Variants in KIZ observed in about 807,000 individuals in gnomAD.
KIZ encodes kizuna centrosomal protein.
Under a neutral mutation model 79.6 loss-of-function variants are expected in KIZ, and 68 were observed. The ratio of observed to expected loss-of-function variants is 0.85; its 90% CI spans 0.70 to 1.05. KIZ has a LOEUF of 1.05. Ranked by LOEUF, KIZ falls within the 50% of genes least tolerant of loss-of-function variation. The pLI is 0.00. For synonymous variants in KIZ, 280 were observed against 281.8 expected, an observed-to-expected ratio of 0.99 and a Z score of 0.06; for missense variants, 797 against 800.4, an observed-to-expected ratio of 1.00 and a Z score of 0.05.
intron 2 of KIZ, among the ~76,000 whole-genome samples, chr20:21,132,720 G>A (rs1057020388): frequency 9.9e-5 from 15 of 152,098 alleles, no homozygotes; most frequent in Non-Finnish European, 1.0e-4. Flanking sequence ...TTTCATATTT[G>A]TTTTATTTCA....
chr20:21,152,629 C>T (rs1479501674), intron 4 of KIZ, among the ~76,000 whole-genome samples: 1 of 152,160 alleles, frequency 6.6e-6, no homozygotes, highest in Non-Finnish European at 1.5e-5. Context: ...TGTTAAGCCT[C>T]TTAGGAAGTG....
intron 11 of KIZ, among the ~76,000 whole-genome samples, chr20:21,238,053 A>C (rs1252001038): frequency 2.6e-5 from 4 of 151,226 alleles, no homozygotes; most frequent in African/African-American, 9.7e-5. Flanking sequence ...CTGGTCTTGA[A>C]CTCCTGAGCT....
In KIZ at chr20:21,130,054, A is replaced by G. The variant is rs150190253; in HGVS notation, c.90-2043A>G. ...ACCATACAGCCCTCCTAGTGGTGAA[A>G]CCAGTCCGCAGACTGCATCAGATTT... On this transcript the variant is annotated intron_variant, in intron 1 of 12. Coordinates refer to ENST00000619189, the MANE Select transcript of KIZ (RefSeq NM_018474.6). Among the ~76,000 whole-genome samples, 480 of 152,256 alleles carry G rather than the reference A, an allele frequency of 3.2e-3. 3 individuals are homozygous for G. Among genetic ancestry groups the G allele is most frequent in the Middle Eastern group, 0.014 (4 of 294 alleles).
chr20:21,218,493 C>T (rs1361038111), intron 9 of KIZ: 3 of 152,120 alleles, frequency 2.0e-5, no homozygotes, highest in Non-Finnish European at 4.4e-5. Flanking sequence ...TTTTGTTGCC[C>T]AGCCCTGTGT....
In KIZ at chr20:21,153,841, A is replaced by G. The variant is rs555905820; in HGVS notation, c.406-8030A>G. Among the ~76,000 whole-genome samples the G allele has an allele frequency of 4.6e-5, 7 of 152,174 alleles. No individual in the cohort carries two copies. The South Asian group carries it at 6.2e-4, about 14-fold the overall frequency. On this transcript the variant is annotated intron_variant, in intron 4 of 12. Coordinates refer to ENST00000619189, the MANE Select transcript of KIZ (RefSeq NM_018474.6). ...TTCCTCTTATAAGGACACCAATTCTATTGGATTAAGGTCCCACCATTATGA... is the reference window on the plus strand; with the variant it reads ...TTCCTCTTATAAGGACACCAATTCTGTTGGATTAAGGTCCCACCATTATGA...
Position 21,161,949 on chromosome 20 carries a change from C to T in KIZ, c.484C>T (p.Arg162Cys), listed in dbSNP as rs888105546. 5.0e-6 allele frequency: 8 copies of T among 1,613,020 alleles called. No homozygotes were observed. The highest frequency in any genetic ancestry group is 2.2e-5 in the East Asian group (1 of 44,868). The change falls in exon 5 of 13, where the codon CGC (arginine) becomes TGC (cysteine). Residue 162 changes from arginine to cysteine, a missense_variant. Coordinates refer to ENST00000619189, the MANE Select transcript of KIZ (RefSeq NM_018474.6). Reference sequence around the variant, plus strand: ...TCAACCAGCAACAATCTTTATGGGCCGCCAAATGTCAGCCATCTTAAGCAT... The same window carrying T: ...TCAACCAGCAACAATCTTTATGGGCTGCCAAATGTCAGCCATCTTAAGCAT... ...LYQPATIFMG[R>C]QMSAILSMRD...
intron 6 of KIZ, among the ~76,000 whole-genome samples, chr20:21,173,577 CAAAA>C (rs749330317): frequency 5.4e-5 from 2 of 37,310 alleles, no homozygotes; most frequent in East Asian, 7.0e-4. Flanking sequence ...GATGCCGTCT[CAAAA>C]AAAAAAAAAA....
intron 7 of KIZ, among the ~76,000 whole-genome samples, chr20:21,210,715 T>A (rs1298825451): frequency 6.6e-6 from 1 of 152,068 alleles, no homozygotes; most frequent in Admixed American, 6.5e-5. Flanking sequence ...CAGTAATGGA[T>A]GAAAATAACA....
intron 6 of KIZ, among the ~76,000 whole-genome samples, chr20:21,181,466 T>A (rs1408215110): frequency 6.6e-6 from 1 of 152,114 alleles, no homozygotes; most frequent in African/African-American, 2.4e-5. Context: ...ATCCAAGTTT[T>A]TTTTTTTTTT....
intron 6 of KIZ, among the ~76,000 whole-genome samples, chr20:21,168,190 G>T (rs935566032): frequency 6.6e-6 from 1 of 152,020 alleles, no homozygotes; most frequent in Non-Finnish European, 1.5e-5. Flanking sequence ...TTGTCCTTGC[G>T]ATAATTTGCT....
intron 9 of KIZ, chr20:21,218,192 A>T (rs561079157): frequency 5.9e-5 from 9 of 152,262 alleles, no homozygotes; most frequent in African/African-American, 2.2e-4. Flanking sequence ...TACTTTTCCA[A>T]TTTCCACTTA....
At chr20:21,148,965 T>TG (rs890674038) in intron 4 of KIZ, 1 of 152,246 alleles carries the variant, frequency 6.6e-6, no homozygotes, top group African/African-American at 2.4e-5. Context: ...CTTTTAATAC[T>TG]GGTAGTAACA....
chr20:21,160,289 G>A (rs1302656739), intron 4 of KIZ, among the ~76,000 whole-genome samples: 1 of 152,034 alleles, frequency 6.6e-6, no homozygotes, highest in Non-Finnish European at 1.5e-5. Flanking sequence ...ATGCCACAGT[G>A]ACCACCTCTC....
intron 9 of KIZ, among the ~76,000 whole-genome samples, chr20:21,225,479 A>G (rs1052980299): frequency 6.6e-6 from 1 of 152,242 alleles, no homozygotes; most frequent in African/African-American, 2.4e-5. Flanking sequence ...CAACCACCCA[A>G]TCCTCAAATT....
intron 4 of KIZ, chr20:21,148,858 C>T (rs2032977837): frequency 6.6e-6 from 1 of 152,170 alleles, no homozygotes; most frequent in Non-Finnish European, 1.5e-5. Context: ...GGAATTTCAT[C>T]ACAGAGCTGA....
chr20:21,141,838 C>T (rs2032558017), intron 3 of KIZ, among the ~76,000 whole-genome samples: 1 of 151,428 alleles, frequency 6.6e-6, no homozygotes, highest in African/African-American at 2.4e-5. Context: ...CTCTCTCTCT[C>T]TCTCTCTCTC....
chr20:21,171,964 G>A (rs2034226188), intron 6 of KIZ, among the ~76,000 whole-genome samples: 1 of 152,158 alleles, frequency 6.6e-6, no homozygotes, highest in Non-Finnish European at 1.5e-5. Context: ...GGACATATAG[G>A]TGAAGCCTTC....
intron 3 of KIZ, among the ~76,000 whole-genome samples, chr20:21,141,513 C>G (rs1363057297): frequency 6.6e-6 from 1 of 151,546 alleles, no homozygotes; most frequent in Non-Finnish European, 1.5e-5. Context: ...TTCTGAGAAG[C>G]CTTAGGCACG....
intron 6 of KIZ, among the ~76,000 whole-genome samples, chr20:21,205,041 G>C (rs889817416): frequency 1.3e-5 from 2 of 152,154 alleles, no homozygotes; most frequent in Admixed American, 1.3e-4. Flanking sequence ...ACTTCAGGAG[G>C]CCGAGGCAGG....
Sources: allele counts gnomAD v4.1 joint callset (sites outside exome capture counted in the v4.1 genomes callset), GRCh38; gene constraint gnomAD v4.1.1; transcripts MANE v1.5; gene names NCBI Gene and HGNC (gene_info 2026-07-23, HGNC 2026-07-21).